Variants in PRKG1 observed in about 807,000 individuals in gnomAD.
PRKG1 encodes cGMP-dependent protein kinase 1.
PRKG1 carries 35 observed loss-of-function variants against 88.1 expected under a neutral mutation model. That is an observed-to-expected ratio of 0.40 (90% confidence interval 0.30 to 0.53). The LOEUF (loss-of-function observed/expected upper bound fraction) is 0.53, where lower values mean the gene tolerates loss of function less well. Ranked by LOEUF, PRKG1 falls within the 20% of genes least tolerant of loss-of-function variation. The pLI is 0.59. For missense variants in PRKG1, 540 were observed against 839.8 expected (o/e 0.64, Z 4.41); for synonymous variants, 303 against 292.5 (o/e 1.04, Z -0.37).
chr10:51,559,834 A>G (rs1475098212), intron 3 of PRKG1, among the ~76,000 whole-genome samples: 4 of 152,044 alleles, frequency 2.6e-5, no homozygotes, highest in South Asian at 2.1e-4. Flanking sequence ...CCATTATTGT[A>G]TCTTTCATTG....
At chr10:51,991,306 C>T (rs1482806988) in intron 5 of PRKG1, among the ~76,000 whole-genome samples, 4 of 152,050 alleles carry the variant, frequency 2.6e-5, no homozygotes, top group African/African-American at 9.7e-5. Context: ...TCCTCCATTC[C>T]AATTTGATAC....
chr10:51,455,091 T>C (rs561370389), intron 2 of PRKG1, among the ~76,000 whole-genome samples: 1 of 152,376 alleles, frequency 6.6e-6, no homozygotes, highest in Admixed American at 6.5e-5. Flanking sequence ...AATCCTTGAC[T>C]TCTGTGCATC....
At position 51,556,834 on chromosome 10, in the gene PRKG1, C is replaced by T. The variant is rs182478814; in HGVS notation, c.592+88998C>T. Among the ~76,000 whole-genome samples the T allele has an allele frequency of 1.1e-3, 171 of 152,082 alleles. 1 individual carries two copies. The highest frequency in any genetic ancestry group is 3.7e-3 in the African/African-American group (153 of 41,516). On this transcript the variant is annotated intron_variant, in intron 3 of 17. Coordinates refer to ENST00000373980, the MANE Select transcript of PRKG1 (RefSeq NM_006258.4). ...CCAAACCTCAGTGTCACGCAATATA[C>T]CCATGTAACAAACCTGTACATGTTC...
intron 2 of PRKG1, among the ~76,000 whole-genome samples, chr10:51,342,394 A>C (rs1842022349): frequency 6.6e-6 from 1 of 152,202 alleles, no homozygotes; most frequent in South Asian, 2.1e-4. Flanking sequence ...TATACAGAGA[A>C]ATACCACAGA....
At chr10:52,099,880 A>T (rs1847256718) in intron 7 of PRKG1, among the ~76,000 whole-genome samples, 1 of 152,208 alleles carries the variant, frequency 6.6e-6, no homozygotes, top group African/African-American at 2.4e-5. Context: ...ACTAAACAGG[A>T]GAGTGCTTGT....
intron 2 of PRKG1, among the ~76,000 whole-genome samples, chr10:51,422,062 G>A (rs772652489): frequency 6.6e-6 from 1 of 152,186 alleles, no homozygotes; most frequent in Non-Finnish European, 1.5e-5. Flanking sequence ...AGGCACCCTT[G>A]AGTGGAGAAG....
chr10:51,468,188 G>T (rs1839957634), intron 3 of PRKG1, among the ~76,000 whole-genome samples: 1 of 151,762 alleles, frequency 6.6e-6, no homozygotes, highest in Non-Finnish European at 1.5e-5. Context: ...TTACATGTCT[G>T]TCTATTTTGG....
intron 3 of PRKG1, among the ~76,000 whole-genome samples, chr10:51,772,515 G>A (rs899330487): frequency 1.6e-4 from 24 of 151,956 alleles, no homozygotes; most frequent in Middle Eastern, 3.4e-3. Flanking sequence ...TTATATAAAC[G>A]TGAATATATT....
intron 3 of PRKG1, among the ~76,000 whole-genome samples, chr10:51,736,741 T>C (rs1837291346): frequency 6.6e-6 from 1 of 151,932 alleles, no homozygotes; most frequent in Non-Finnish European, 1.5e-5. Context: ...GGTCCTCCTG[T>C]CTCAGCCTTC....
At chr10:51,688,674 C>T (rs925710463) in intron 3 of PRKG1, among the ~76,000 whole-genome samples, 1 of 151,570 alleles carries the variant, frequency 6.6e-6, no homozygotes, top group Non-Finnish European at 1.5e-5. Flanking sequence ...ATTACCTTGC[C>T]CCCACAGTAT....
At chr10:51,739,661 A>C (rs1837381376) in intron 3 of PRKG1, among the ~76,000 whole-genome samples, 1 of 152,070 alleles carries the variant, frequency 6.6e-6, no homozygotes, top group Admixed American at 6.6e-5. Flanking sequence ...ATCATTTGTC[A>C]TTGCTTGATT....
At chr10:51,240,869 G>A (rs1839134521) in intron 2 of PRKG1, among the ~76,000 whole-genome samples, 1 of 152,154 alleles carries the variant, frequency 6.6e-6, no homozygotes, top group Admixed American at 6.6e-5. Context: ...AATGGGCCTA[G>A]GCTTGAAGTG....
rs112361000 is a variant in PRKG1 at position 52,080,186 on chromosome 10, C to T, written c.935+17555C>T. Among the ~76,000 whole-genome samples, 262 of 152,262 alleles carry T rather than the reference C, an allele frequency of 1.7e-3. 1 individual carries two copies. The highest frequency in any genetic ancestry group is 6.1e-3 in the African/African-American group (252 of 41,550). ...AGACCCTGACACTGTTCTGCCTCTG[C>T]GTATTTAAATATAACATTCCTTTTG... On this transcript the variant is annotated intron_variant, in intron 7 of 17. Coordinates refer to ENST00000373980, the MANE Select transcript of PRKG1 (RefSeq NM_006258.4).
intron 3 of PRKG1, among the ~76,000 whole-genome samples, chr10:51,759,290 G>T (rs1193863965): frequency 6.6e-6 from 1 of 151,352 alleles, no homozygotes; most frequent in Non-Finnish European, 1.5e-5. Context: ...TTTTTGAGAC[G>T]GAGTCTTGCT....
At chr10:52,166,839 G>GTATATATATATGTATA (rs375678645) in intron 9 of PRKG1, among the ~76,000 whole-genome samples, 6 of 90,484 alleles carry the variant, frequency 6.6e-5, no homozygotes, top group Non-Finnish European at 1.2e-4. Flanking sequence ...GTATATATAT[G>GTATATATATATGTATA]TATATATATG....
intron 2 of PRKG1, among the ~76,000 whole-genome samples, chr10:51,456,115 C>T (rs760397483): frequency 5.9e-5 from 9 of 152,254 alleles, no homozygotes; most frequent in African/African-American, 1.4e-4. Context: ...AGAGCAAAGT[C>T]GCATCTCACA....
intron 2 of PRKG1, among the ~76,000 whole-genome samples, chr10:51,373,063 T>C (rs1416849106): frequency 6.6e-6 from 1 of 152,198 alleles, no homozygotes; most frequent in Admixed American, 6.5e-5. Flanking sequence ...CTCTAAAGGC[T>C]ACCATTATGT....
chr10:51,805,880 G>T (rs1485716981), intron 4 of PRKG1, among the ~76,000 whole-genome samples: 2 of 152,178 alleles, frequency 1.3e-5, no homozygotes, highest in Admixed American at 1.3e-4. Flanking sequence ...TGTCAGCAGG[G>T]TGTTGATTTT....
chr10:51,884,687 G>T (rs965411494), intron 4 of PRKG1, among the ~76,000 whole-genome samples: 5 of 152,128 alleles, frequency 3.3e-5, no homozygotes, highest in Admixed American at 1.3e-4. Flanking sequence ...ATCATTCAGG[G>T]TCTGTCTCCA....
Sources: allele counts gnomAD v4.1 joint callset (sites outside exome capture counted in the v4.1 genomes callset), GRCh38; gene constraint gnomAD v4.1.1; transcripts MANE v1.5; gene names NCBI Gene and HGNC (gene_info 2026-07-23, HGNC 2026-07-21).